Variants in SLC5A12 observed in about 807,000 individuals in gnomAD.
The protein encoded by SLC5A12 is sodium-coupled monocarboxylate transporter 2.
A neutral mutation model predicts 72.7 loss-of-function variants in SLC5A12; 46 were observed. That is an observed-to-expected ratio of 0.63 (90% CI 0.50 to 0.81). The LOEUF is 0.81. Among genes scored for constraint, SLC5A12 ranks in the 30% least tolerant of loss-of-function variants. The pLI is 0.00. For synonymous variants in SLC5A12, 275 were observed against 264.4 expected (o/e 1.04, Z -0.39); for missense variants, 683 against 740.7 (o/e 0.92, Z 0.90).
chr11:26,675,107 T>C (rs929640453), intron 13 of SLC5A12, among the ~76,000 whole-genome samples: 13 of 152,228 alleles, frequency 8.5e-5, no homozygotes, highest in Non-Finnish European at 1.6e-4. Context: ...ATAATTTAAT[T>C]TGGGACAAAG....
In SLC5A12 at chr11:26,717,000, G is replaced by A. The variant is rs189304861; in HGVS notation, c.340-4294C>T. Among the ~76,000 whole-genome samples the A allele has an allele frequency of 3.0e-4, 46 of 152,094 alleles. No homozygotes were observed. The East Asian group carries it at 5.4e-3, about 18-fold the overall frequency. ...ATGATGACCTAAAAGGCCCCATAAC[G>A]TTGGTTCAGACCCTAAATATCTCTT... On this transcript the variant is annotated intron_variant, in intron 1 of 14. Transcript: ENST00000396005.
Position 26,670,718 on chromosome 11 carries a change from G to A in SLC5A12, c.*384C>T, listed in dbSNP as rs10835055. On this transcript the variant is annotated 3_prime_UTR_variant, in exon 15 of 15. Transcript: ENST00000396005. ...TTAAATATGCATATTTCTGTTTCCC[G>A]TTCTGCCTCTAAACTCCAAGATATT... The A allele has an allele frequency of 0.35, 54,444 of 156,068 alleles. 10,398 individuals are homozygous for A. Among genetic ancestry groups the A allele is most frequent in the South Asian group, 0.48 (2,342 of 4,916 alleles). The allele number at this position is 156,068 out of a possible 1,614,324, so 9.7% of individuals were successfully genotyped here.
intron 2 of SLC5A12, 108 bp from the exon 3 acceptor site, chr11:26,711,466 C>A (rs1855227781): frequency 4.8e-6 from 4 of 833,830 alleles, no homozygotes; most frequent in Non-Finnish European, 8.0e-6. Context: ...TCAACTTGTT[C>A]ATGAAACATT....
intron 4 of SLC5A12, among the ~76,000 whole-genome samples, chr11:26,708,492 G>A (rs1855142895): frequency 6.6e-6 from 1 of 152,084 alleles, no homozygotes; most frequent in Non-Finnish European, 1.5e-5. Flanking sequence ...ATGTTACAAA[G>A]ACTAGGTGAT....
At chr11:26,704,003 T>C in intron 4 of SLC5A12, 56 bp from the exon 5 acceptor site, 3 of 1,591,010 alleles carry the variant, frequency 1.9e-6, no homozygotes, top group Non-Finnish European at 1.7e-6. Context: ...CTGTACTGGC[T>C]CTGCAAAGCC....
At chr11:26,681,735 T>C (rs1854415846) in intron 11 of SLC5A12, among the ~76,000 whole-genome samples, 1 of 152,120 alleles carries the variant, frequency 6.6e-6, no homozygotes, top group Non-Finnish European at 1.5e-5. Flanking sequence ...TCATTTAAGG[T>C]TTATATTTCT....
At chr11:26,680,121 G>A (rs1276820202) in intron 12 of SLC5A12, among the ~76,000 whole-genome samples, 1 of 151,384 alleles carries the variant, frequency 6.6e-6, no homozygotes, top group Non-Finnish European at 1.5e-5. Context: ...GAGGGAATGA[G>A]CCAGTATGGG....
At chr11:26,707,467 G>T (rs1458627654) in intron 4 of SLC5A12, among the ~76,000 whole-genome samples, 1 of 151,464 alleles carries the variant, frequency 6.6e-6, no homozygotes, top group Non-Finnish European at 1.5e-5. Context: ...TTCTTATTTT[G>T]TCCACCATAT....
chr11:26,678,026 G>A (rs1213952565), intron 13 of SLC5A12, among the ~76,000 whole-genome samples: 1 of 152,134 alleles, frequency 6.6e-6, no homozygotes, highest in Non-Finnish European at 1.5e-5. Context: ...GGGCAAGTAT[G>A]GATGGTAGAC....
chr11:26,685,376 C>T (rs946740091), intron 10 of SLC5A12, among the ~76,000 whole-genome samples: 1 of 152,076 alleles, frequency 6.6e-6, no homozygotes, highest in Non-Finnish European at 1.5e-5. Context: ...AATCCCAGCA[C>T]TCGGAGGCCG....
intron 4 of SLC5A12, among the ~76,000 whole-genome samples, chr11:26,708,480 A>G (rs1319326465): frequency 6.6e-6 from 1 of 152,146 alleles, no homozygotes; most frequent in African/African-American, 2.4e-5. Flanking sequence ...TAATTGGAAT[A>G]GATGTTACAA....
chr11:26,693,161 G>T (rs891107262), intron 8 of SLC5A12, among the ~76,000 whole-genome samples: 4 of 152,148 alleles, frequency 2.6e-5, no homozygotes. Flanking sequence ...ATAGCAAGAC[G>T]CTGTAAGAAC....
intron 6 of SLC5A12, among the ~76,000 whole-genome samples, chr11:26,702,823 G>A (rs1167504080): frequency 6.6e-6 from 1 of 152,070 alleles, no homozygotes; most frequent in South Asian, 2.1e-4. Context: ...TATAAATGAA[G>A]CTTAACTTGG....
In SLC5A12 at chr11:26,670,928, G is replaced by T; in HGVS notation, c.*174C>A. 1 of 520,100 alleles carries T rather than the reference G, an allele frequency of 1.9e-6. No homozygotes were observed. The allele number at this position is 520,100 out of a possible 1,614,324, so 32.2% of individuals were successfully genotyped here. A position where few individuals can be genotyped will look rare whatever the true frequency, so the allele number is the denominator to read the frequency against. On this transcript the variant is annotated 3_prime_UTR_variant, in exon 15 of 15. Coordinates refer to ENST00000396005, the MANE Select transcript of SLC5A12 (RefSeq NM_178498.4). ...GTTGGAGTCTTTCAAAGAATATCCCGAGAGACAGTCATTTTGCATGTAGTT... is the reference window on the plus strand; with the variant it reads ...GTTGGAGTCTTTCAAAGAATATCCCTAGAGACAGTCATTTTGCATGTAGTT...
In SLC5A12 at chr11:26,718,620, TTGTGTGTGTGTGTGTGTGTG is replaced by T. The variant is rs10578471; in HGVS notation, c.339+2736_339+2755del. ...TGTGCGCCACCATGCCTGGCTAATTTTGTGTGTGTGTGTGTGTGTGTGTGTGTGTGTGTGTGTGTGTGTTG... is the reference window on the plus strand; with the variant it reads ...TGTGCGCCACCATGCCTGGCTAATTTTGTGTGTGTGTGTGTGTGTGTGTTG... On this transcript the variant is annotated intron_variant, in intron 1 of 14. Transcript: ENST00000396005. 5.3e-5 allele frequency among the ~76,000 whole-genome samples: 8 copies of T among 149,714 alleles called. No homozygotes were observed. In the South Asian group the frequency reaches 1.3e-3, roughly 24 times the overall value.
intron 14 of SLC5A12, 95 bp from the exon 15 acceptor site, chr11:26,671,346 T>TTA (rs1854138272): frequency 1.9e-6 from 2 of 1,063,986 alleles, no homozygotes; most frequent in Non-Finnish European, 2.7e-6. Context: ...CTTCAAAAAA[T>TTA]TATATATATG....
intron 12 of SLC5A12, among the ~76,000 whole-genome samples, chr11:26,680,313 A>G (rs980056329): frequency 1.5e-5 from 2 of 135,508 alleles, no homozygotes; most frequent in African/African-American, 6.2e-5. Flanking sequence ...TCATATATAT[A>G]TATGTATATA....
At chr11:26,683,657 G>T in intron 11 of SLC5A12, 100 bp downstream of exon 11, 1 of 948,650 alleles carries the variant, frequency 1.1e-6, no homozygotes, top group Non-Finnish European at 1.6e-6. Flanking sequence ...TCTTTTCCTG[G>T]CTAAGACAGA....
At chr11:26,715,631 T>C (rs1230401629) in intron 1 of SLC5A12, among the ~76,000 whole-genome samples, 1 of 152,222 alleles carries the variant, frequency 6.6e-6, no homozygotes, top group Non-Finnish European at 1.5e-5. Flanking sequence ...CAGGATCTGC[T>C]TCTAGTAGAA....
Sources: allele counts gnomAD v4.1 joint callset (sites outside exome capture counted in the v4.1 genomes callset), GRCh38; gene constraint gnomAD v4.1.1; transcripts MANE v1.5; gene names NCBI Gene and HGNC (gene_info 2026-07-23, HGNC 2026-07-21).